ENPP3: variants seen among roughly 807,000 people sequenced by gnomAD.
The protein encoded by ENPP3 is ectonucleotide pyrophosphatase/phosphodiesterase 3.
In ENPP3, 104 loss-of-function variants were observed where a neutral mutation model predicts 117.8. The ratio of observed to expected loss-of-function variants is 0.88; its 90% CI spans 0.75 to 1.04. ENPP3 has a LOEUF of 1.04. Among genes scored for constraint, ENPP3 ranks in the 50% least tolerant of loss-of-function variants. The pLI, the probability that ENPP3 is intolerant of heterozygous loss-of-function variation, is 0.00. For missense variants in ENPP3, 1,026 were observed against 1,051.9 expected, an observed-to-expected ratio of 0.98 and a Z score of 0.34; for synonymous variants, 380 against 349.9, an observed-to-expected ratio of 1.09 and a Z score of -0.96.
chr6:131,677,624 A>G (rs1252707855), intron 10 of ENPP3, among the ~76,000 whole-genome samples: 1 of 152,206 alleles, frequency 6.6e-6, no homozygotes, highest in Non-Finnish European at 1.5e-5. Flanking sequence ...AACTGCAAGA[A>G]CAAAACAGAG....
At chr6:131,725,074 T>G (rs1032898484) in intron 19 of ENPP3, among the ~76,000 whole-genome samples, 14 of 141,194 alleles carry the variant, frequency 9.9e-5, no homozygotes, top group Admixed American at 7.8e-4. Context: ...AAAAAAAAAA[T>G]TAGTTGGGCA....
rs781663942 is a variant in ENPP3 at position 131,652,893 on chromosome 6, T to C, written c.464+2T>C. The C allele has an allele frequency of 5.6e-6, 9 of 1,599,996 alleles. No homozygotes were observed. Among genetic ancestry groups the C allele is most frequent in the East Asian group, 2.2e-5 (1 of 44,810 alleles). On this transcript the variant is annotated splice_donor_variant, in intron 5 of 24. Coordinates refer to ENST00000357639, the MANE Select transcript of ENPP3 (RefSeq NM_005021.5). LOFTEE classifies it high-confidence loss of function. Reference sequence around the variant, plus strand: ...CCAGCAGTCTCAGTGCCCAGAAGGGTGAGCATGACTGATACAGGGATTTTT... The same window carrying C: ...CCAGCAGTCTCAGTGCCCAGAAGGGCGAGCATGACTGATACAGGGATTTTT...
chr6:131,655,027 C>T (rs569592033), intron 5 of ENPP3, among the ~76,000 whole-genome samples: 1 of 152,202 alleles, frequency 6.6e-6, no homozygotes, highest in Admixed American at 6.5e-5. Flanking sequence ...TGACCTAAAG[C>T]GAGGGAATAT....
chr6:131,671,383 C>G (rs1372907145), intron 7 of ENPP3, 56 bp downstream of exon 7: 1 of 1,041,506 alleles, frequency 9.6e-7, no homozygotes. Context: ...ACCACATAAA[C>G]AGACATGTTT....
intron 2 of ENPP3, among the ~76,000 whole-genome samples, chr6:131,646,032 G>A (rs1286389059): frequency 6.6e-6 from 1 of 152,080 alleles, no homozygotes; most frequent in Admixed American, 6.6e-5. Flanking sequence ...AGTAGCCTTA[G>A]TTACATCTGC....
At position 131,650,033 on chromosome 6, in the gene ENPP3, G is replaced by T. The variant is rs766587592; in HGVS notation, c.161G>T (p.Cys54Phe). The change falls in exon 3 of 25, where the codon TGC (cysteine) becomes TTC (phenylalanine). Residue 54 changes from cysteine (C) to phenylalanine (F), a missense_variant. Transcript: ENST00000357639. ...GLRKLEKQGS[C>F]RKKCFDASFR... ...TATTTCCTTTACTTTGTAGGCAGCTGCAGGAAGAAGTGCTTTGATGCATCA... is the reference window on the plus strand; with the variant it reads ...TATTTCCTTTACTTTGTAGGCAGCTTCAGGAAGAAGTGCTTTGATGCATCA... 2.5e-6 allele frequency: 4 copies of T among 1,613,804 alleles called. No homozygotes were observed. Among genetic ancestry groups the T allele is most frequent in the South Asian group, 1.1e-5 (1 of 91,088 alleles).
At chr6:131,724,226 T>TAAAAAAAAAAAAAAAAAAAAAAAA (rs397941468) in intron 19 of ENPP3, 135 bp downstream of exon 19, 1 of 343,552 alleles carries the variant, frequency 2.9e-6, no homozygotes, top group African/African-American at 3.6e-5. Flanking sequence ...ATACAAAAGG[T>TAAAAAAAAAAAAAAAAAAAAAAAA]AAAAAAAAAA....
intron 15 of ENPP3, among the ~76,000 whole-genome samples, chr6:131,713,484 TATA>T (rs1037134119): frequency 6.8e-6 from 1 of 147,332 alleles, no homozygotes. Context: ...TTAATTAAAA[TATA>T]ATAATTAAAA....
At chr6:131,720,668 G>A (rs185549617) in intron 17 of ENPP3, among the ~76,000 whole-genome samples, 16 of 152,152 alleles carry the variant, frequency 1.1e-4, no homozygotes, top group African/African-American at 2.9e-4. Context: ...TGGAACCTCC[G>A]CCTCCCAGGT....
At chr6:131,718,190 A>G (rs1193304345) in intron 15 of ENPP3, among the ~76,000 whole-genome samples, 2 of 152,206 alleles carry the variant, frequency 1.3e-5, no homozygotes, top group African/African-American at 4.8e-5. Context: ...TCTTCACTGG[A>G]AAACAGAAAT....
Position 131,641,542 on chromosome 6 carries a change from AG to A in ENPP3, c.154+13del, listed in dbSNP as rs750065198. On this transcript the variant is annotated intron_variant, in intron 2 of 24. Coordinates refer to ENST00000357639, the MANE Select transcript of ENPP3 (RefSeq NM_005021.5). ...ACTGGAAAAGCAAGGTATACCCCTC[AG>A]CCTTTTCTCAGAACATTCCCTTATT... 1.9e-6 allele frequency: 3 copies of A among 1,548,790 alleles called. No homozygotes were observed. Among genetic ancestry groups the A allele is most frequent in the Non-Finnish European group, 2.7e-6 (3 of 1,121,956 alleles).
chr6:131,674,188 C>T lies in ENPP3; in HGVS notation c.669C>T (p.Ile223=). ...VTGLYPESHG[I]IDNNMYDVNL... is the part of the protein sequence containing the mutation. ...GCTTGTATCCAGAGTCACATGGCAT[C>T]ATTGACAATAATATGTATGATGTAA... is the stretch of plus-strand genomic sequence containing the variant. The change falls in exon 8 of 25, where the codon ATC becomes ATT. Residue 223 remains isoleucine, a synonymous_variant. Coordinates refer to ENST00000357639, the MANE Select transcript of ENPP3 (RefSeq NM_005021.5). 6.4e-7 allele frequency: 1 copy of T among 1,570,980 alleles called. No individual in the cohort carries two copies. Among genetic ancestry groups the T allele is most frequent in the Admixed American group, 1.7e-5 (1 of 59,914 alleles).
At chr6:131,722,771 A>G (rs1168939851) in intron 18 of ENPP3, among the ~76,000 whole-genome samples, 3 of 152,184 alleles carry the variant, frequency 2.0e-5, no homozygotes, top group Admixed American at 1.3e-4. Context: ...TTTAGAGCAG[A>G]AAGAACTAGG....
At chr6:131,725,424 C>T (rs1466210824) in intron 19 of ENPP3, among the ~76,000 whole-genome samples, 4 of 151,982 alleles carry the variant, frequency 2.6e-5, no homozygotes, top group Admixed American at 6.6e-5. Context: ...ACTCTGAGCT[C>T]GTATAGTGGA....
rs374414537 is a variant in ENPP3 at position 131,652,702 on chromosome 6, G to A, written c.403+35G>A. 52 of 1,612,958 alleles carry A rather than the reference G, an allele frequency of 3.2e-5. 1 individual carries two copies. Among genetic ancestry groups the A allele is most frequent in the Middle Eastern group, 3.3e-4 (2 of 6,052 alleles). On this transcript the variant is annotated intron_variant, in intron 4 of 24. Transcript: ENST00000357639. The stretch of plus-strand genomic sequence containing the variant: ...AGGATGTTGACTCATTTGCCCCTGC[G>A]AGTTTAGAGGAACTCCATGAGTTTC...
At chr6:131,720,740 C>G (rs574084629) in intron 17 of ENPP3, among the ~76,000 whole-genome samples, 1 of 152,178 alleles carries the variant, frequency 6.6e-6, no homozygotes, top group African/African-American at 2.4e-5. Flanking sequence ...AACCACCAGG[C>G]CCGGCTACTT....
At chr6:131,701,852 A>C (rs9493058) in intron 15 of ENPP3, among the ~76,000 whole-genome samples, 6,955 of 150,716 alleles carry the variant, frequency 0.046, 209 homozygotes, top group African/African-American at 0.12. Context: ...ACTGCACTCC[A>C]GCCTGGGTGA....
intron 12 of ENPP3, 78 bp downstream of exon 12, chr6:131,683,240 A>T: frequency 1.3e-6 from 1 of 797,094 alleles, no homozygotes; most frequent in Non-Finnish European, 2.1e-6. Flanking sequence ...AATAATAGTG[A>T]TATTTTAAAA....
At chr6:131,647,935 A>C (rs1778184199) in intron 2 of ENPP3, among the ~76,000 whole-genome samples, 1 of 152,094 alleles carries the variant, frequency 6.6e-6, no homozygotes, top group Non-Finnish European at 1.5e-5. Flanking sequence ...TCTTGTAGAA[A>C]TTTTATAACA....
Sources: allele counts gnomAD v4.1 joint callset (sites outside exome capture counted in the v4.1 genomes callset), GRCh38; gene constraint gnomAD v4.1.1; transcripts MANE v1.5; gene names NCBI Gene and HGNC (gene_info 2026-07-23, HGNC 2026-07-21).